SEL1L2: variants seen among roughly 807,000 people sequenced by gnomAD.
The protein encoded by SEL1L2 is SEL1L2 adaptor subunit of SYVN1 ubiquitin ligase, also known as protein sel-1 homolog 2.
In SEL1L2, 89 loss-of-function variants were observed where a neutral mutation model predicts 98.8. The ratio of observed to expected loss-of-function variants is 0.90; its 90% confidence interval spans 0.76 to 1.07. The LOEUF is 1.07. Among genes scored for constraint, SEL1L2 ranks in the 50% least tolerant of loss-of-function variants. The probability of loss-of-function intolerance (pLI) is 0.00; values close to 1 mark genes in which losing one functional copy is unlikely to be tolerated. For synonymous variants in SEL1L2, 262 were observed against 278.5 expected, an observed-to-expected ratio of 0.94 and a Z score of 0.59; for missense variants, 788 against 812.0, an observed-to-expected ratio of 0.97 and a Z score of 0.36.
intron 2 of SEL1L2, among the ~76,000 whole-genome samples, chr20:13,951,173 A>G (rs963442196): frequency 7.0e-6 from 1 of 143,520 alleles, no homozygotes; most frequent in African/African-American, 2.6e-5. Context: ...GCTACTCGGG[A>G]GGCTGAGGCA....
chr20:13,872,705 T>C (rs754022966), intron 12 of SEL1L2, among the ~76,000 whole-genome samples: 61 of 151,246 alleles, frequency 4.0e-4, no homozygotes, highest in Non-Finnish European at 1.9e-4. Flanking sequence ...TCTAAGGGAG[T>C]CCCTGGGATC....
At chr20:13,866,184 G>C (rs1362411768) in intron 15 of SEL1L2, among the ~76,000 whole-genome samples, 2 of 152,164 alleles carry the variant, frequency 1.3e-5, no homozygotes, top group African/African-American at 4.8e-5. Flanking sequence ...TAGCAGACGT[G>C]TTTAATAAAT....
At chr20:13,920,406 A>G (rs965497348) in intron 3 of SEL1L2, among the ~76,000 whole-genome samples, 1 of 152,162 alleles carries the variant, frequency 6.6e-6, no homozygotes, top group African/African-American at 2.4e-5. Flanking sequence ...TACCTGCTAC[A>G]GTGATATTTT....
intron 3 of SEL1L2, among the ~76,000 whole-genome samples, chr20:13,923,319 T>G (rs1364274925): frequency 5.9e-5 from 9 of 152,220 alleles, no homozygotes; most frequent in Admixed American, 5.9e-4. Flanking sequence ...CATAAAAGGT[T>G]TTTAAAAATT....
intron 9 of SEL1L2, among the ~76,000 whole-genome samples, chr20:13,885,649 G>A (rs954714778): frequency 6.6e-6 from 1 of 152,086 alleles, no homozygotes; most frequent in African/African-American, 2.4e-5. Flanking sequence ...ATAAAGCTAG[G>A]GGCCTTAGCT....
At chr20:13,937,224 A>G (rs1316183224) in intron 2 of SEL1L2, among the ~76,000 whole-genome samples, 1 of 152,106 alleles carries the variant, frequency 6.6e-6, no homozygotes, top group East Asian at 1.9e-4. Context: ...CTGAACTTGT[A>G]GTTTCTTTTC....
chr20:13,901,279 C>A (rs1362378837), intron 5 of SEL1L2, among the ~76,000 whole-genome samples: 2 of 151,986 alleles, frequency 1.3e-5, no homozygotes, highest in Non-Finnish European at 2.9e-5. Context: ...ACCGTGTTAG[C>A]CAGGATGGTC....
At chr20:13,939,204 C>T (rs780676233) in intron 2 of SEL1L2, among the ~76,000 whole-genome samples, 13 of 151,402 alleles carry the variant, frequency 8.6e-5, no homozygotes, top group South Asian at 4.2e-4. Context: ...CTACCATGCC[C>T]GGCTAATTTT....
At chr20:13,937,036 A>T (rs989803215) in intron 2 of SEL1L2, among the ~76,000 whole-genome samples, 3 of 151,930 alleles carry the variant, frequency 2.0e-5, no homozygotes, top group African/African-American at 7.3e-5. Flanking sequence ...AAACTCTTCT[A>T]CTCCCTGTTC....
rs761115553 is a variant in SEL1L2 at position 13,859,367 on chromosome 20, A to G, written c.1713T>C (p.Tyr571=). The G allele has an allele frequency of 1.9e-6, 3 of 1,614,102 alleles. No individual in the cohort carries two copies. In the East Asian group the frequency reaches 6.7e-5, roughly 36 times the overall value. ...TGCTGTAGTGTGTGGCTGCTGTTTGATAGTCTTTCTTAGTCCCATAGCCAT... is the reference window on the plus strand; with the variant it reads ...TGCTGTAGTGTGTGGCTGCTGTTTGGTAGTCTTTCTTAGTCCCATAGCCAT... ...HYYGYGTKKD[Y]QTAATHYSIA... The change falls in exon 18 of 20, where the codon TAT becomes TAC. Residue 571 remains tyrosine, a synonymous_variant. Coordinates refer to ENST00000284951, the MANE Select transcript of SEL1L2 (RefSeq NM_025229.2).
chr20:13,883,694 C>T (rs13043492), intron 10 of SEL1L2, among the ~76,000 whole-genome samples: 11,864 of 152,260 alleles, frequency 0.078, 494 homozygotes, highest in African/African-American at 0.099. Context: ...CACCTGGAGG[C>T]AGCTGCAGCT....
intron 5 of SEL1L2, 23 bp downstream of exon 5, chr20:13,913,758 GT>G: frequency 1.3e-6 from 2 of 1,500,204 alleles, no homozygotes; most frequent in Non-Finnish European, 1.8e-6. Context: ...GCTATTTAAG[GT>G]TTCATTTTCC....
Position 13,859,444 on chromosome 20 carries a change from A to T in SEL1L2, c.1646-10T>A. 6.2e-7 allele frequency: 1 copy of T among 1,605,476 alleles called. No individual in the cohort carries two copies. On this transcript the variant is annotated splice_polypyrimidine_tract_variant and intron_variant, in intron 17 of 19. Transcript: ENST00000284951. Reference sequence around the variant, plus strand: ...CTAGCAAATGCATTGCCTGATAGAAATATTAGAGAAAAAAGAATCATAACT... The same window carrying T: ...CTAGCAAATGCATTGCCTGATAGAATTATTAGAGAAAAAAGAATCATAACT...
chr20:13,909,045 A>T (rs1189529520), intron 5 of SEL1L2, among the ~76,000 whole-genome samples: 1 of 151,788 alleles, frequency 6.6e-6, no homozygotes, highest in African/African-American at 2.4e-5. Flanking sequence ...CTTATTTCTG[A>T]CTGTTCTTCC....
At chr20:13,940,959 G>A (rs748796018) in intron 2 of SEL1L2, among the ~76,000 whole-genome samples, 8 of 152,170 alleles carry the variant, frequency 5.3e-5, no homozygotes, top group Non-Finnish European at 7.4e-5. Context: ...TCAACTAGGC[G>A]AAGGATGATG....
chr20:13,960,799 G>T (rs2050742660), intron 1 of SEL1L2, among the ~76,000 whole-genome samples: 1 of 152,114 alleles, frequency 6.6e-6, no homozygotes, highest in Admixed American at 6.5e-5. Flanking sequence ...GGTACAGGAA[G>T]AAAATATTAG....
chr20:13,897,313 C>G (rs1276874931), intron 5 of SEL1L2, among the ~76,000 whole-genome samples: 1 of 152,060 alleles, frequency 6.6e-6, no homozygotes, highest in East Asian at 1.9e-4. Flanking sequence ...CTCAAAGAAA[C>G]TATAGAGGAA....
intron 1 of SEL1L2, among the ~76,000 whole-genome samples, chr20:13,986,077 T>C (rs561211780): frequency 5.9e-5 from 9 of 152,254 alleles, no homozygotes; most frequent in East Asian, 3.8e-4. Context: ...TTGTCTATTA[T>C]GAATAATGCT....
chr20:13,981,990 T>C (rs1000230426), intron 1 of SEL1L2, among the ~76,000 whole-genome samples: 29 of 152,182 alleles, frequency 1.9e-4, no homozygotes, highest in African/African-American at 6.3e-4. Context: ...GTCCAGGGCT[T>C]GGTCTTTATG....
Sources: gnomAD v4.1 joint callset for allele counts (sites outside exome capture counted in the v4.1 genomes callset) on GRCh38, gnomAD v4.1.1 for gene constraint, MANE v1.5 for transcripts, NCBI Gene and HGNC (gene_info 2026-07-23, HGNC 2026-07-21) for gene names.